The following TCF4 variants were observed in gnomAD, a reference collection of about 807,000 sequenced individuals.
TCF4 encodes transcription factor 4, also known as SL3-3 enhancer factor 2.
Under a neutral mutation model 82.1 loss-of-function variants are expected in TCF4, and 3 were observed. The observed-to-expected ratio is 0.04, with a 90% CI of 0.02 to 0.09. The LOEUF (loss-of-function observed/expected upper bound fraction) is 0.09. Among genes scored for constraint, TCF4 ranks in the 10% least tolerant of loss-of-function variants. The probability of loss-of-function intolerance (pLI) is 1.00; values close to 1 mark genes in which losing one functional copy is unlikely to be tolerated. For synonymous variants in TCF4, 276 were observed against 309.6 expected (o/e 0.89, Z 1.14); for missense variants, 518 against 852.7 (o/e 0.61, Z 4.89).
intron 6 of TCF4, among the ~76,000 whole-genome samples, chr18:55,403,199 G>A (rs2146483136): frequency 6.6e-6 from 1 of 152,226 alleles, no homozygotes; most frequent in African/African-American, 2.4e-5. Context: ...TGCAAACAGT[G>A]CCACTGGTAC....
chr18:55,376,048 G>A (rs1271694141), intron 6 of TCF4, among the ~76,000 whole-genome samples: 1 of 133,256 alleles, frequency 7.5e-6, no homozygotes. Flanking sequence ...TTTAGACAGG[G>A]TTTCACTCTG....
intron 8 of TCF4, among the ~76,000 whole-genome samples, chr18:55,345,288 G>T (rs2080917252): frequency 2.3e-5 from 3 of 131,814 alleles, no homozygotes; most frequent in Non-Finnish European, 3.2e-5. Context: ...GATAAGATTG[G>T]TTTTCACAAA....
intron 8 of TCF4, among the ~76,000 whole-genome samples, chr18:55,336,940 A>C (rs2078769400): frequency 6.6e-6 from 1 of 152,182 alleles, no homozygotes; most frequent in Non-Finnish European, 1.5e-5. Context: ...ATTTATTCAT[A>C]TGTTAGTTAC....
At position 55,585,398 on chromosome 18, in the gene TCF4, G is replaced by A. The variant is rs650792; in HGVS notation, c.73-46C>T. The A allele has an allele frequency of 2.8e-4, 424 of 1,516,282 alleles. 2 individuals are homozygous for A. The African/African-American group carries it at 5.3e-3, about 19-fold the overall frequency. The allele number at this position is 1,516,282 out of a possible 1,614,324, so 93.9% of individuals were successfully genotyped here. A position where few individuals can be genotyped will look rare whatever the true frequency, so the allele number is the denominator to read the frequency against. On this transcript the variant is annotated intron_variant, in intron 2 of 19. Coordinates refer to ENST00000354452, the MANE Select transcript of TCF4 (RefSeq NM_001083962.2). The stretch of plus-strand genomic sequence containing the variant: ...TTACAGTTGAAAAGAAGACACTTGT[G>A]CCTTCAGAGCTCCTCAAAGATCTTT...
intron 5 of TCF4, 161 bp from the exon 6 acceptor site, chr18:55,403,679 TCTGG>T (rs1245339768): frequency 1.3e-6 from 2 of 1,563,236 alleles, no homozygotes; most frequent in Middle Eastern, 3.3e-4. Context: ...ACTTCCTCAC[TCTGG>T]CTATGATAAA....
chr18:55,339,754 A>T (rs1398667513), intron 8 of TCF4, among the ~76,000 whole-genome samples: 3 of 152,124 alleles, frequency 2.0e-5, no homozygotes, highest in Admixed American at 1.3e-4. Flanking sequence ...TTTATATATA[A>T]AAAAAAGTGT....
intron 1 of TCF4, 162 bp from the exon 2 acceptor site, chr18:55,587,298 T>G: frequency 2.9e-6 from 1 of 345,048 alleles, no homozygotes; most frequent in Non-Finnish European, 5.2e-6. Flanking sequence ...TTGGGTTGGG[T>G]TTGGTTTTGT....
At chr18:55,617,825 G>A (rs923664563) in intron 2 of TCF4, among the ~76,000 whole-genome samples, 1 of 151,242 alleles carries the variant, frequency 6.6e-6, no homozygotes, top group Non-Finnish European at 1.5e-5. Flanking sequence ...GTGTGTGTGT[G>A]TGTGTGTGTG....
intron 5 of TCF4, among the ~76,000 whole-genome samples, chr18:55,444,928 C>A (rs2095500305): frequency 6.6e-6 from 1 of 152,196 alleles, no homozygotes. Flanking sequence ...ACGACCCCTG[C>A]CTTGCCCATC....
chr18:55,621,636 T>TTATGTACATTATATAATATTA (rs2097719647), intron 2 of TCF4, among the ~76,000 whole-genome samples: 3 of 21,950 alleles, frequency 1.4e-4, no homozygotes, highest in Non-Finnish European at 1.9e-4. Flanking sequence ...AATATATATA[T>TTATGTACATTATATAATATTA]TATATAATAT....
intron 3 of TCF4, among the ~76,000 whole-genome samples, chr18:55,570,299 A>T (rs1377656189): frequency 6.6e-6 from 1 of 152,220 alleles, no homozygotes; most frequent in Non-Finnish European, 1.5e-5. Context: ...TGGGGTAAGA[A>T]GGCTTTTCCA....
chr18:55,269,547 T>C (rs907394703), intron 11 of TCF4: 2 of 432,640 alleles, frequency 4.6e-6, no homozygotes, highest in African/African-American at 4.0e-5. Flanking sequence ...GTTCACTCTT[T>C]TTGAATGTGA....
At chr18:55,585,388 A>G in intron 2 of TCF4, 36 bp from the exon 3 acceptor site, 18 of 1,584,146 alleles carry the variant, frequency 1.1e-5, no homozygotes, top group Non-Finnish European at 1.6e-5. Flanking sequence ...GTTGAAAAGA[A>G]GACACTTGTG....
intron 8 of TCF4, among the ~76,000 whole-genome samples, chr18:55,310,777 A>G (rs2072120500): frequency 6.6e-6 from 1 of 152,234 alleles, no homozygotes; most frequent in African/African-American, 2.4e-5. Context: ...CAAAAAACTT[A>G]AAACATAATT....
At chr18:55,382,971 G>A (rs1005358926) in intron 6 of TCF4, among the ~76,000 whole-genome samples, 1 of 152,244 alleles carries the variant, frequency 6.6e-6, no homozygotes, top group African/African-American at 2.4e-5. Flanking sequence ...TTAAGAAACA[G>A]CTACTTAGGA....
chr18:55,362,328 CAA>C (rs201336687), intron 6 of TCF4, among the ~76,000 whole-genome samples: 2 of 66,918 alleles, frequency 3.0e-5, no homozygotes, highest in African/African-American at 6.5e-5. Flanking sequence ...AAAACAAAAA[CAA>C]AAAAAAAAGA....
At chr18:55,516,804 G>C (rs1369987535) in intron 3 of TCF4, among the ~76,000 whole-genome samples, 1 of 151,984 alleles carries the variant, frequency 6.6e-6, no homozygotes, top group African/African-American at 2.4e-5. Flanking sequence ...TGTAGAGTGG[G>C]AGAGAAAGCA....
intron 3 of TCF4, among the ~76,000 whole-genome samples, chr18:55,468,283 AG>A (rs1469071369): frequency 6.6e-6 from 1 of 152,246 alleles, no homozygotes; most frequent in Non-Finnish European, 1.5e-5. Context: ...GCTATTTGCT[AG>A]AAGTGGGTCA....
intron 3 of TCF4, among the ~76,000 whole-genome samples, chr18:55,562,779 G>C (rs545189661): frequency 1.8e-4 from 27 of 152,012 alleles, no homozygotes; most frequent in African/African-American, 6.3e-4. Flanking sequence ...AAACAACTTA[G>C]CCTTCTACCA....
Sources: allele counts gnomAD v4.1 joint callset (sites outside exome capture counted in the v4.1 genomes callset), GRCh38; gene constraint gnomAD v4.1.1; transcripts MANE v1.5; gene names NCBI Gene and HGNC (gene_info 2026-07-23, HGNC 2026-07-21).